Variants in WDR62 observed in about 807,000 individuals in gnomAD.
WDR62 encodes WD repeat-containing protein 62.
In WDR62, 112 loss-of-function variants were observed where a neutral mutation model predicts 160.6. That is an observed-to-expected ratio of 0.70 (90% CI 0.60 to 0.82). WDR62 has a LOEUF of 0.82. Ranked by LOEUF, WDR62 falls within the 40% of genes least tolerant of loss-of-function variation. WDR62 has a pLI of 0.00. For synonymous variants in WDR62, 792 were observed against 815.1 expected, an observed-to-expected ratio of 0.97 and a Z score of 0.48; for missense variants, 1,819 against 1,983.8, an observed-to-expected ratio of 0.92 and a Z score of 1.58.
chr19:36,103,884 G>A lies in WDR62; in HGVS notation c.4056G>A (p.Glu1352=), dbSNP rs765690320. Residue 1352 remains glutamate (E), a synonymous_variant, in exon 30 of 32, where the codon GAG becomes GAA. Transcript: ENST00000401500. ...TTCGCCCAAGTCTCCCAGCTCCTGA[G>A]TCCCCTGGCCTTCCTGCCCACCCCA... is the stretch of plus-strand genomic sequence containing the variant. ...SAFRPSLPAP[E]SPGLPAHPSN... 6 of 1,600,714 alleles carry A rather than the reference G, an allele frequency of 3.7e-6. No individual in the cohort carries two copies. In the South Asian group the frequency reaches 6.6e-5, roughly 18 times the overall value.
rs1400544979 is a variant in WDR62, at chr19:36,055,091, C to G, written c.120C>G (p.Ile40Met). 10 of 1,605,314 alleles carry G rather than the reference C, an allele frequency of 6.2e-6. No individual in the cohort carries two copies. The highest frequency in any genetic ancestry group is 8.5e-6 in the Non-Finnish European group (10 of 1,177,052). Residue 40 changes from isoleucine (I) to methionine (M), a missense_variant, in exon 1 of 32, where the codon ATC (isoleucine) becomes ATG (methionine). Coordinates refer to ENST00000401500, the MANE Select transcript of WDR62 (RefSeq NM_001083961.2). Reference sequence around the variant, plus strand: ...CCTCCCCGCCCCCCGCCCCACCAATCTGCCTACGGCGGCGGACGCGACTCT... The same window carrying G: ...CCTCCCCGCCCCCCGCCCCACCAATGTGCCTACGGCGGCGGACGCGACTCT... The part of the protein sequence containing the change: ...GQSSPPPAPP[I>M]CLRRRTRLST...
intron 11 of WDR62, among the ~76,000 whole-genome samples, chr19:36,084,061 C>G (rs918700617): frequency 1.3e-5 from 2 of 152,050 alleles, no homozygotes; most frequent in Non-Finnish European, 2.9e-5. Flanking sequence ...AGTGCTCTTC[C>G]CCCTTGGTGG....
At chr19:36,105,228 G>A (rs548761131), downstream of WDR62, 67 of 677,964 alleles carry the variant, frequency 9.9e-5, no homozygotes, top group African/African-American at 7.0e-4. Flanking sequence ...TGGGACCAGC[G>A]CTCCCAAGAA....
At chr19:36,071,436 C>CT in intron 7 of WDR62, 120 bp from the exon 8 acceptor site, 1 of 1,169,714 alleles carries the variant, frequency 8.5e-7, no homozygotes, top group Non-Finnish European at 1.3e-6. Context: ...AAATGGGTGT[C>CT]TTAGACCCAA....
rs776893162 is a variant in WDR62 at position 36,104,788 on chromosome 19, G to A, written c.4332G>A (p.Val1444=). The A allele has an allele frequency of 5.6e-6, 9 of 1,613,540 alleles. No homozygotes were observed. Among genetic ancestry groups the A allele is most frequent in the Admixed American group, 1.7e-5 (1 of 60,004 alleles). The change falls in exon 32 of 32, where the codon GTG becomes GTA. Residue 1444 remains valine (V), a synonymous_variant. Coordinates refer to ENST00000401500, the MANE Select transcript of WDR62 (RefSeq NM_001083961.2). ...LYRVLVSSGQ[V]DTGQQQARTE... is the part of the protein sequence containing the mutation. ...TGCAGTTGGTCTCCAGTGGCCAGGT[G>A]GACACCGGGCAGCAGCAGGCACGGA...
intron 7 of WDR62, among the ~76,000 whole-genome samples, chr19:36,068,934 G>A (rs1247100961): frequency 1.3e-5 from 2 of 151,952 alleles, no homozygotes; most frequent in African/African-American, 2.4e-5. Context: ...AGGGGCGGCC[G>A]GGCAGAGGCA....
Position 36,102,093 on chromosome 19 carries a change from G to C in WDR62, c.3162G>C (p.Pro1054=), listed in dbSNP as rs200232641. The change falls in exon 26 of 32, where the codon CCG becomes CCC. Residue 1054 remains proline (P), a synonymous_variant. Coordinates refer to ENST00000401500, the MANE Select transcript of WDR62 (RefSeq NM_001083961.2). ...SVPSSSLPQT[P]EQEKFLRHHF... is the part of the protein sequence containing the mutation. ...CCAGCAGCTCCCTACCCCAGACTCCGGAGCAGGAGAAGTTCCTCCGCCACC... is the reference window on the plus strand; with the variant it reads ...CCAGCAGCTCCCTACCCCAGACTCCCGAGCAGGAGAAGTTCCTCCGCCACC... 218 of 1,613,998 alleles carry C rather than the reference G, an allele frequency of 1.4e-4. No homozygotes were observed. The highest frequency in any genetic ancestry group is 1.7e-4 in the Non-Finnish European group (203 of 1,180,032).
Position 36,103,751 on chromosome 19 carries a change from T to C in WDR62, c.3923T>C (p.Leu1308Pro), listed in dbSNP as rs199792346. 1.9e-6 allele frequency: 3 copies of C among 1,611,474 alleles called. No homozygotes were observed. The African/African-American group carries it at 4.0e-5, about 21-fold the overall frequency. ...ACCCTGTCAAGTGCCTGTGATGGGC[T>C]CCTGCAGCCCCCCGTGGATACCCAG... is the stretch of plus-strand genomic sequence containing the variant. ...RLTLSSACDG[L>P]LQPPVDTQPG... The change falls in exon 30 of 32, where the codon CTC (leucine) becomes CCC (proline). Residue 1308 changes from leucine (L) to proline (P), a missense_variant. Coordinates refer to ENST00000401500, the MANE Select transcript of WDR62 (RefSeq NM_001083961.2).
intron 24 of WDR62, 89 bp from the exon 25 acceptor site, chr19:36,101,575 G>A (rs1973338822): frequency 9.6e-7 from 1 of 1,036,590 alleles, no homozygotes; most frequent in East Asian, 2.6e-5. Context: ...CCTCCAGATG[G>A]GGAAACTGAG....
chr19:36,061,959 T>G (rs887852836), intron 3 of WDR62: 53 of 152,234 alleles, frequency 3.5e-4, no homozygotes, highest in African/African-American at 1.0e-3. Flanking sequence ...TTTTTTTTTT[T>G]TGGACACAGA....
chr19:36,101,146 G>A lies in WDR62; in HGVS notation c.2868-68G>A, dbSNP rs984604950. ...GCGGGTACAGGTGCCTAGGGGCTCC[G>A]GGTGGGGCTAGCTGTTGAGTCTCCA... is the stretch of plus-strand genomic sequence containing the variant. On this transcript the variant is annotated intron_variant, in intron 23 of 31. Transcript: ENST00000401500. 112 of 1,454,462 alleles carry A rather than the reference G, an allele frequency of 7.7e-5. 1 individual carries two copies. The highest frequency in any genetic ancestry group is 1.4e-4 in the African/African-American group (10 of 72,110). The allele number at this position is 1,454,462 out of a possible 1,614,324, so 90.1% of individuals were successfully genotyped here.
Position 36,099,827 on chromosome 19 carries a change from G to A in WDR62, c.2739+210G>A, listed in dbSNP as rs115972873. The stretch of plus-strand genomic sequence containing the variant: ...AAAGTGGGTCACTTGGGGGTTAAGA[G>A]CTTGGATGCTAGAGCAGGCTTGTAC... On this transcript the variant is annotated intron_variant, in intron 22 of 31. Coordinates refer to ENST00000401500, the MANE Select transcript of WDR62 (RefSeq NM_001083961.2). Among the ~76,000 whole-genome samples, 1,448 of 152,356 alleles carry A rather than the reference G, an allele frequency of 9.5e-3. 34 individuals carry two copies. The highest frequency in any genetic ancestry group is 0.033 in the African/African-American group (1,391 of 41,568).
chr19:36,071,237 C>G (rs1430320859), intron 7 of WDR62, among the ~76,000 whole-genome samples: 1 of 152,082 alleles, frequency 6.6e-6, no homozygotes, highest in East Asian at 1.9e-4. Context: ...AAAATTCAAC[C>G]CTGTTACTAC....
chr19:36,108,558 G>A (rs1463916406), downstream of WDR62, among the ~76,000 whole-genome samples: 13 of 142,740 alleles, frequency 9.1e-5, no homozygotes, highest in Admixed American at 8.8e-4. Context: ...TTTGCCCAGA[G>A]GAGGGATTCC....
intron 9 of WDR62, among the ~76,000 whole-genome samples, chr19:36,078,176 C>A (rs1327801109): frequency 6.8e-6 from 1 of 147,276 alleles, no homozygotes; most frequent in African/African-American, 2.5e-5. Context: ...GAAACGGAGT[C>A]TCACTCTGTC....
At chr19:36,088,298 C>T (rs1268303054) in intron 13 of WDR62, among the ~76,000 whole-genome samples, 1 of 152,136 alleles carries the variant, frequency 6.6e-6, no homozygotes, top group Non-Finnish European at 1.5e-5. Flanking sequence ...AAGAGCGAAA[C>T]TCTGTCTCAA....
intron 21 of WDR62, 128 bp from the exon 22 acceptor site, chr19:36,099,271 G>A: frequency 1.6e-6 from 1 of 624,026 alleles, no homozygotes; most frequent in Non-Finnish European, 3.0e-6. Context: ...CTGGAGATAT[G>A]TACCTGGAAG....
chr19:36,091,340 T>TCCC, intron 17 of WDR62, 29 bp downstream of exon 17: 8 of 1,579,160 alleles, frequency 5.1e-6, no homozygotes, highest in African/African-American at 1.3e-5. Flanking sequence ...TTGGGATGCC[T>TCCC]CCCCACCCGC....
intron 9 of WDR62, among the ~76,000 whole-genome samples, chr19:36,078,895 C>T (rs1361369593): frequency 5.7e-5 from 8 of 140,808 alleles, no homozygotes; most frequent in Admixed American, 7.0e-5. Flanking sequence ...AAATATGTTT[C>T]TGCTGTGCTT....
Sources: gnomAD v4.1 joint callset for allele counts (sites outside exome capture counted in the v4.1 genomes callset) on GRCh38, gnomAD v4.1.1 for gene constraint, MANE v1.5 for transcripts, NCBI Gene and HGNC (gene_info 2026-07-23, HGNC 2026-07-21) for gene names.